Variants in WDR86 observed in about 807,000 individuals in gnomAD.
The protein encoded by WDR86 is WD repeat-containing protein 86.
A neutral mutation model predicts 36.5 loss-of-function variants in WDR86; 30 were observed. The ratio of observed to expected loss-of-function variants is 0.82; its 90% CI spans 0.61 to 1.11. WDR86 has a LOEUF of 1.11. Ranked by LOEUF, WDR86 falls within the 50% of genes most tolerant of loss-of-function variation. The pLI is 0.00. For synonymous variants in WDR86, 255 were observed against 252.9 expected (o/e 1.01, Z -0.08); for missense variants, 545 against 561.2 (o/e 0.97, Z 0.29).
intron 3 of WDR86, among the ~76,000 whole-genome samples, chr7:151,386,091 G>T (rs1002102050): frequency 1.3e-5 from 2 of 152,176 alleles, no homozygotes; most frequent in African/African-American, 4.8e-5. Context: ...TACTGCTAGG[G>T]CCCAGGAACC....
intron 3 of WDR86, among the ~76,000 whole-genome samples, chr7:151,395,494 G>GACACACACACACACACACAC (rs57122668): frequency 6.8e-6 from 1 of 147,060 alleles, no homozygotes; most frequent in Non-Finnish European, 1.5e-5. Flanking sequence ...AAGAGATTAG[G>GACACACACACACACACACAC]ACACACACAC....
chr7:151,378,889 G>A (rs1325576178), downstream of WDR86, among the ~76,000 whole-genome samples: 5 of 152,216 alleles, frequency 3.3e-5, no homozygotes, highest in Non-Finnish European at 4.4e-5. Flanking sequence ...AAACTCTTCC[G>A]TGTCTTGTGA....
chr7:151,382,577 G>A (rs1032804404), intron 4 of WDR86, among the ~76,000 whole-genome samples: 2 of 152,208 alleles, frequency 1.3e-5, no homozygotes, highest in African/African-American at 2.4e-5. Flanking sequence ...GCCACAGATC[G>A]CGGGGCCGCA....
rs57122668 is a variant in WDR86 at position 151,395,494 on chromosome 7, G to GACACACACAC, written c.726+272_726+281dup. ...TGGTGTCCTTCTAAGAAGAGATTAG[G>GACACACACAC]ACACACACACACACACACACACACA... On this transcript the variant is annotated intron_variant, in intron 3 of 5. Coordinates refer to ENST00000334493, the MANE Select transcript of WDR86 (RefSeq NM_198285.3). Among the ~76,000 whole-genome samples the GACACACACAC allele has an allele frequency of 1.8e-3, 266 of 147,140 alleles. 2 individuals are homozygous for GACACACACAC. The highest frequency in any genetic ancestry group is 2.3e-3 in the Admixed American group (34 of 14,802).
At chr7:151,402,292 G>T (rs1800403498) in intron 1 of WDR86, among the ~76,000 whole-genome samples, 1 of 151,758 alleles carries the variant, frequency 6.6e-6, no homozygotes, top group Non-Finnish European at 1.5e-5. Context: ...TCATCCCAGG[G>T]ACGCTCATTT....
chr7:151,391,906 C>CT (rs1563052590), intron 3 of WDR86, among the ~76,000 whole-genome samples: 1 of 152,060 alleles, frequency 6.6e-6, no homozygotes, highest in Non-Finnish European at 1.5e-5. Flanking sequence ...CGATGGGGGC[C>CT]TTTTTTCTAC....
rs1276353750 is a variant in WDR86, at chr7:151,409,299, C to A, written c.163+128G>T. Reference sequence around the variant, plus strand: ...TGCTGGGCCCAGACAAGCGCTCTTCCGCTAGTGTGCCGGGATGAGCGGGGG... The same window carrying A: ...TGCTGGGCCCAGACAAGCGCTCTTCAGCTAGTGTGCCGGGATGAGCGGGGG... On this transcript the variant is annotated intron_variant, in intron 1 of 5. Coordinates refer to ENST00000334493, the MANE Select transcript of WDR86 (RefSeq NM_198285.3). This position sits in a 1 kb window ranked among gnomAD's most constrained non-coding sequence, Gnocchi z 5.2. The A allele has an allele frequency of 3.5e-6, 5 of 1,419,136 alleles. No homozygotes were observed. Among genetic ancestry groups the A allele is most frequent in the Non-Finnish European group, 4.8e-6 (5 of 1,040,338 alleles). 87.9% of individuals were successfully genotyped at this position (1,419,136 alleles called of 1,614,324 possible).
At chr7:151,377,165 T>G, downstream of WDR86, 1 of 1,590,420 alleles carries the variant, frequency 6.3e-7, no homozygotes, top group Non-Finnish European at 8.6e-7. Flanking sequence ...ATGAAGAAAT[T>G]ATTATTGCAG....
chr7:151,377,375 G>A, downstream of WDR86: 1 of 543,222 alleles, frequency 1.8e-6, no homozygotes, highest in African/African-American at 2.0e-5. Flanking sequence ...TCCAGGAGGG[G>A]TCCCAGGGCC....
rs1800182679 is a variant in WDR86, at chr7:151,400,193, A to T, written c.212T>A (p.Phe71Tyr). Residue 71 changes from phenylalanine (F) to tyrosine (Y), a missense_variant, in exon 2 of 6, where the codon TTC (phenylalanine) becomes TAC (tyrosine). Phe to Tyr is a conservative substitution (Grantham distance 22). Coordinates refer to ENST00000334493, the MANE Select transcript of WDR86 (RefSeq NM_198285.3). Reference protein sequence around the residue: ...TFCQLEDEAAFTCSADCTIRR... With the variant: ...TFCQLEDEAAYTCSADCTIRR... ...GATGGTGCAGTCGGCGCTGCATGTG[A>T]AGGCAGCCTCATCCTCCAGCTGGCA... 1 of 1,611,600 alleles carries T rather than the reference A, an allele frequency of 6.2e-7. No homozygotes were observed. The highest frequency in any genetic ancestry group is 1.1e-5 in the South Asian group (1 of 90,398).
chr7:151,406,942 A>C lies in WDR86; in HGVS notation c.163+2485T>G, dbSNP rs1488388670. The stretch of plus-strand genomic sequence containing the variant: ...TAATATTTCACTGATAGAAAAAAAA[A>C]ATCCTGCAGGAGAAAGGAACTGGCA... On this transcript the variant is annotated intron_variant, in intron 1 of 5. Transcript: ENST00000334493. The surrounding 1 kb of genome is among the most constrained non-coding windows in gnomAD (Gnocchi z 4.4). 2.0e-5 allele frequency among the ~76,000 whole-genome samples: 3 copies of C among 152,190 alleles called. No homozygotes were observed. The highest frequency in any genetic ancestry group is 7.2e-5 in the African/African-American group (3 of 41,452).
chr7:151,389,850 A>G (rs1799287605), intron 3 of WDR86, among the ~76,000 whole-genome samples: 1 of 152,208 alleles, frequency 6.6e-6, no homozygotes, highest in African/African-American at 2.4e-5. Flanking sequence ...GAAAAGCAAC[A>G]AGCAGGTCTC....
At chr7:151,402,091 A>ATATATATATATATATATC (rs1365492180) in intron 1 of WDR86, among the ~76,000 whole-genome samples, 1 of 124,198 alleles carries the variant, frequency 8.1e-6, no homozygotes, top group Non-Finnish European at 1.6e-5. Context: ...ATATATATAT[A>ATATATATATATATATATC]TCTCCACAAA....
At chr7:151,373,834 G>A (rs545527220), downstream of WDR86, among the ~76,000 whole-genome samples, 70 of 152,334 alleles carry the variant, frequency 4.6e-4, no homozygotes, top group African/African-American at 1.6e-3. Flanking sequence ...GGTGGATGGC[G>A]GGGCTGGCGA....
intron 1 of WDR86, among the ~76,000 whole-genome samples, chr7:151,404,914 C>T (rs967119563): frequency 2.0e-5 from 3 of 152,218 alleles, no homozygotes; most frequent in Non-Finnish European, 4.4e-5. Context: ...CCTGGTGCCC[C>T]TGACTTGCGT....
intron 2 of WDR86, among the ~76,000 whole-genome samples, chr7:151,399,711 C>T (rs771441787): frequency 6.6e-6 from 1 of 152,384 alleles, no homozygotes; most frequent in Non-Finnish European, 1.5e-5. Flanking sequence ...CAATCCCCCA[C>T]ACTCCTCCTC....
chr7:151,397,025 T>G (rs1205101750), intron 2 of WDR86, among the ~76,000 whole-genome samples: 2 of 152,196 alleles, frequency 1.3e-5, no homozygotes, highest in African/African-American at 2.4e-5. Flanking sequence ...AAACACACAT[T>G]TGTCTTTAGT....
Position 151,381,165 on chromosome 7 carries a change from C to G in WDR86, c.*417G>C. 15 of 1,251,640 alleles carry G rather than the reference C, an allele frequency of 1.2e-5. No individual in the cohort carries two copies. Among genetic ancestry groups the G allele is most frequent in the Non-Finnish European group, 1.5e-5 (15 of 1,000,944 alleles). The allele number at this position is 1,251,640 out of a possible 1,614,324, so 77.5% of individuals were successfully genotyped here. Reference sequence around the variant, plus strand: ...GTATATTTCAGTTCCCCCCAAGGCCCTCGAGACGGACGATTTGCCAAAATA... The same window carrying G: ...GTATATTTCAGTTCCCCCCAAGGCCGTCGAGACGGACGATTTGCCAAAATA... On this transcript the variant is annotated 3_prime_UTR_variant, in exon 6 of 6. Coordinates refer to ENST00000334493, the MANE Select transcript of WDR86 (RefSeq NM_198285.3). The surrounding 1 kb of genome is among the most constrained non-coding windows in gnomAD (Gnocchi z 4.8).
Position 151,396,420 on chromosome 7 carries a change from T to C in WDR86, c.306-224A>G, listed in dbSNP as rs569410181. On this transcript the variant is annotated intron_variant, in intron 2 of 5. Coordinates refer to ENST00000334493, the MANE Select transcript of WDR86 (RefSeq NM_198285.3). ...CCTTCCTTGCCTGCCCCTGGGCATG[T>C]ACCTGTAGCAGGGACCAAGCTTAGA... Among the ~76,000 whole-genome samples, 265 of 152,328 alleles carry C rather than the reference T, an allele frequency of 1.7e-3. 2 individuals are homozygous for C. Among genetic ancestry groups the C allele is most frequent in the African/African-American group, 6.1e-3 (253 of 41,582 alleles).
Sources: allele counts gnomAD v4.1 joint callset (sites outside exome capture counted in the v4.1 genomes callset), GRCh38; gene constraint gnomAD v4.1.1; non-coding constraint Gnocchi (gnomAD v3.1); transcripts MANE v1.5; gene names NCBI Gene and HGNC (gene_info 2026-07-23, HGNC 2026-07-21).